SCAPER: variants seen among roughly 807,000 people sequenced by gnomAD.
SCAPER encodes the protein S phase cyclin A-associated protein in the endoplasmic reticulum.
SCAPER carries 98 observed loss-of-function variants against 182.2 expected under a neutral mutation model. That is an observed-to-expected ratio of 0.54 (90% CI 0.46 to 0.64). The LOEUF (loss-of-function observed/expected upper bound fraction) is 0.64. Among genes scored for constraint, SCAPER ranks in the 30% least tolerant of loss-of-function variants. The probability of loss-of-function intolerance (pLI) is 0.00; values close to 1 mark genes in which losing one functional copy is unlikely to be tolerated. For missense variants in SCAPER, 1,432 were observed against 1,690.0 expected (o/e 0.85, Z 2.68); for synonymous variants, 605 against 564.6 (o/e 1.07, Z -1.01).
At chr15:76,504,402 T>C (rs1169610614) in intron 24 of SCAPER, among the ~76,000 whole-genome samples, 1 of 152,114 alleles carries the variant, frequency 6.6e-6, no homozygotes, top group Non-Finnish European at 1.5e-5. Flanking sequence ...TCCCAGCAAT[T>C]TGGCTGGGAT....
intron 5 of SCAPER, among the ~76,000 whole-genome samples, chr15:76,824,284 A>G (rs1239901761): frequency 6.6e-6 from 1 of 152,246 alleles, no homozygotes; most frequent in Non-Finnish European, 1.5e-5. Context: ...TAGTTTACCA[A>G]TTGGCTGCAA....
At chr15:76,826,080 T>C (rs1013037962) in intron 5 of SCAPER, among the ~76,000 whole-genome samples, 1 of 152,160 alleles carries the variant, frequency 6.6e-6, no homozygotes. Context: ...GCAGTCATTA[T>C]CTGAAAAATT....
chr15:76,390,115 C>A (rs1185939374), intron 27 of SCAPER, among the ~76,000 whole-genome samples: 2 of 152,060 alleles, frequency 1.3e-5, no homozygotes, highest in East Asian at 1.9e-4. Flanking sequence ...TGCTACTACA[C>A]CTGGTTAAGT....
At chr15:76,558,838 C>T (rs1220242372) in intron 23 of SCAPER, among the ~76,000 whole-genome samples, 2 of 152,132 alleles carry the variant, frequency 1.3e-5, no homozygotes, top group African/African-American at 4.8e-5. Context: ...TACACACACA[C>T]ACCATGGAAT....
At chr15:76,784,139 C>A (rs1052570326) in intron 8 of SCAPER, among the ~76,000 whole-genome samples, 1 of 152,122 alleles carries the variant, frequency 6.6e-6, no homozygotes, top group Non-Finnish European at 1.5e-5. Context: ...AAAAACCCAT[C>A]GTCTCTGCCC....
intron 3 of SCAPER, among the ~76,000 whole-genome samples, chr15:76,858,466 T>C (rs2071590976): frequency 6.6e-6 from 1 of 152,206 alleles, no homozygotes. Flanking sequence ...AAATTCTTTT[T>C]TTTTTCTTTT....
chr15:76,476,495 C>CAT (rs2050640747), intron 24 of SCAPER, among the ~76,000 whole-genome samples: 1 of 151,108 alleles, frequency 6.6e-6, no homozygotes, highest in African/African-American at 2.4e-5. Flanking sequence ...GTGGCATGAT[C>CAT]ATAGCTCAAT....
chr15:76,490,303 CTTG>C (rs1263326796), intron 24 of SCAPER, among the ~76,000 whole-genome samples: 1 of 152,110 alleles, frequency 6.6e-6, no homozygotes, highest in Non-Finnish European at 1.5e-5. Flanking sequence ...CTTGTTAACA[CTTG>C]TTGTGTTTTG....
At chr15:76,548,995 A>G (rs1409123404) in intron 23 of SCAPER, among the ~76,000 whole-genome samples, 1 of 152,220 alleles carries the variant, frequency 6.6e-6, no homozygotes, top group Non-Finnish European at 1.5e-5. Context: ...AACTACCATC[A>G]GAGTGAACAG....
chr15:76,703,128 C>A (rs2059054008), intron 18 of SCAPER, 126 bp from the exon 19 acceptor site: 1 of 1,013,624 alleles, frequency 9.9e-7, no homozygotes, highest in South Asian at 1.8e-5. Flanking sequence ...AACTTACACA[C>A]TGAAGACAAA....
intron 29 of SCAPER, among the ~76,000 whole-genome samples, chr15:76,375,162 G>A (rs1435603006): frequency 7.6e-6 from 1 of 130,780 alleles, no homozygotes; most frequent in African/African-American, 2.9e-5. Flanking sequence ...AGGCTGCAGT[G>A]AGCCATGATC....
chr15:76,554,404 A>G (rs2046024432), intron 23 of SCAPER, among the ~76,000 whole-genome samples: 2 of 152,244 alleles, frequency 1.3e-5, no homozygotes, highest in African/African-American at 4.8e-5. Context: ...CCTGGAAAAC[A>G]TATTTGAGAA....
chr15:76,662,425 C>T (rs2056265103), intron 21 of SCAPER, among the ~76,000 whole-genome samples: 1 of 152,008 alleles, frequency 6.6e-6, no homozygotes, highest in African/African-American at 2.4e-5. Context: ...ATAAAAATTG[C>T]ACAGTCCTGA....
At chr15:76,858,587 A>G (rs2071601233) in intron 3 of SCAPER, among the ~76,000 whole-genome samples, 1 of 152,096 alleles carries the variant, frequency 6.6e-6, no homozygotes, top group Non-Finnish European at 1.5e-5. Context: ...TAAGTAACTG[A>G]TAGGTAGTTT....
intron 5 of SCAPER, among the ~76,000 whole-genome samples, chr15:76,836,473 C>T (rs62029192): frequency 0.067 from 10,210 of 152,198 alleles, 380 homozygotes; most frequent in Middle Eastern, 0.11. Context: ...TAAAGGATTC[C>T]TTATTCAATA....
intron 29 of SCAPER, among the ~76,000 whole-genome samples, chr15:76,371,186 A>G (rs1455805155): frequency 1.3e-5 from 2 of 152,200 alleles, no homozygotes; most frequent in African/African-American, 4.8e-5. Context: ...TCTGTCTGTG[A>G]GGTAAGAATA....
At chr15:76,526,644 C>T (rs886084534) in intron 23 of SCAPER, among the ~76,000 whole-genome samples, 2 of 152,058 alleles carry the variant, frequency 1.3e-5, no homozygotes, top group African/African-American at 4.8e-5. Flanking sequence ...AATATTAATA[C>T]TATGACCCAA....
intron 6 of SCAPER, among the ~76,000 whole-genome samples, chr15:76,803,064 A>G (rs2065907469): frequency 6.6e-6 from 1 of 152,166 alleles, no homozygotes; most frequent in African/African-American, 2.4e-5. Context: ...TTTTAAAAAC[A>G]TAAATCTGAT....
chr15:76,753,458 A>G lies in SCAPER; in HGVS notation c.1866+350T>C, dbSNP rs114268932. Reference sequence around the variant, plus strand: ...AAGCAGATCAGTAATTAGATAATAGAGTTGAATGAAGGAATGAATTACAAA... The same window carrying G: ...AAGCAGATCAGTAATTAGATAATAGGGTTGAATGAAGGAATGAATTACAAA... On this transcript the variant is annotated intron_variant, in intron 15 of 31. Transcript: ENST00000563290. Among the ~76,000 whole-genome samples, 1,233 of 152,064 alleles carry G rather than the reference A, an allele frequency of 8.1e-3. 14 individuals are homozygous for G. The highest frequency in any genetic ancestry group is 0.028 in the African/African-American group (1,169 of 41,550).
Sources: allele counts gnomAD v4.1 joint callset (sites outside exome capture counted in the v4.1 genomes callset), GRCh38; gene constraint gnomAD v4.1.1; transcripts MANE v1.5; gene names NCBI Gene and HGNC (gene_info 2026-07-23, HGNC 2026-07-21).